Variants in RPS3 observed in about 807,000 individuals in gnomAD.
RPS3 encodes the protein small ribosomal subunit protein uS3.
A neutral mutation model predicts 25.8 loss-of-function variants in RPS3; 2 were observed. The ratio of observed to expected loss-of-function variants is 0.08; its 90% CI spans 0.03 to 0.24. The LOEUF (loss-of-function observed/expected upper bound fraction) is 0.24, where lower values mean the gene tolerates loss of function less well. RPS3 is among the 10% of genes least tolerant of loss of function. The pLI, the probability that RPS3 is intolerant of heterozygous loss-of-function variation, is 1.00. For missense variants in RPS3, 107 were observed against 307.1 expected, an observed-to-expected ratio of 0.35 and a Z score of 4.87; for synonymous variants, 114 against 114.2, an observed-to-expected ratio of 1.00 and a Z score of 0.01.
chr11:75,413,644 G>A (rs1308090086), intron 6 of RPS3, among the ~76,000 whole-genome samples: 1 of 152,122 alleles, frequency 6.6e-6, no homozygotes, highest in Non-Finnish European at 1.5e-5. Context: ...ATTACCTTAA[G>A]TATGACAATA....
chr11:75,420,217 C>T (rs1435026062), intron 6 of RPS3, among the ~76,000 whole-genome samples: 2 of 152,150 alleles, frequency 1.3e-5, no homozygotes, highest in African/African-American at 4.8e-5. Context: ...CAGGGAGATC[C>T]TCCATTTTTG....
chr11:75,406,987 G>T (rs1179827302), downstream of RPS3: 2 of 152,068 alleles, frequency 1.3e-5, no homozygotes, highest in African/African-American at 4.8e-5. Flanking sequence ...TGGGGATTTT[G>T]GTATTTGAAG....
intron 6 of RPS3, among the ~76,000 whole-genome samples, chr11:75,415,470 C>T (rs550946872): frequency 1.6e-4 from 25 of 152,168 alleles, no homozygotes; most frequent in Admixed American, 7.9e-4. Context: ...GCCAGAAGTT[C>T]GACAACAGCC....
At position 75,406,449 on chromosome 11, in the gene RPS3, G is replaced by A. The variant is rs988928258; in HGVS notation, c.*839G>A. On this transcript the variant is annotated 3_prime_UTR_variant, in exon 7 of 7. Transcript: ENST00000531188. ...CAGGTGGCTGCTTCCTGGTGATGCA[G>A]CCTGGCTGATGAGATAACCCTGGCT... The A allele has an allele frequency of 1.3e-5, 2 of 152,224 alleles. No individual in the cohort carries two copies. Among genetic ancestry groups the A allele is most frequent in the African/African-American group, 4.8e-5 (2 of 41,456 alleles). The allele number at this position is 152,224 out of a possible 1,614,324, so 9.4% of individuals were successfully genotyped here.
downstream of RPS3, among the ~76,000 whole-genome samples, chr11:75,408,025 TACTG>T (rs1948305820): frequency 6.6e-6 from 1 of 152,192 alleles, no homozygotes; most frequent in African/African-American, 2.4e-5. Flanking sequence ...CGTAATAGAT[TACTG>T]AATTATTGGA....
intron 6 of RPS3, among the ~76,000 whole-genome samples, chr11:75,412,837 C>T (rs893899835): frequency 2.0e-5 from 3 of 151,360 alleles, no homozygotes; most frequent in Non-Finnish European, 4.4e-5. Context: ...AGTGCAGTGG[C>T]GTGATCTCAG....
rs748718725 is a variant in RPS3, at chr11:75,404,253, T to G, written c.538+46T>G. On this transcript the variant is annotated intron_variant, in intron 5 of 6. Coordinates refer to ENST00000531188, the MANE Select transcript of RPS3 (RefSeq NM_001005.5). This position sits in a 1 kb window ranked among gnomAD's most constrained non-coding sequence, Gnocchi z 4.6. ...GGCAAAGGGCATTTGTGGACAGATT[T>G]GGTTTTCCACAGACATCTTAAGTAT... The G allele has an allele frequency of 2.6e-6, 4 of 1,564,018 alleles. No individual in the cohort carries two copies. The South Asian group carries it at 3.4e-5, about 13-fold the overall frequency.
chr11:75,402,590 C>T lies in RPS3; in HGVS notation c.350+144C>T, dbSNP rs147285948. On this transcript the variant is annotated intron_variant, in intron 4 of 6. Coordinates refer to ENST00000531188, the MANE Select transcript of RPS3 (RefSeq NM_001005.5). Reference sequence around the variant, plus strand: ...GTTATAATAAGATACTAAGTCATGCCCTCACTGAACTGGCAGGCTAACAAG... The same window carrying T: ...GTTATAATAAGATACTAAGTCATGCTCTCACTGAACTGGCAGGCTAACAAG... The T allele has an allele frequency of 2.4e-4, 190 of 795,372 alleles. No individual in the cohort carries two copies. In the African/African-American group the frequency reaches 3.0e-3, roughly 12 times the overall value. 49.3% of individuals were successfully genotyped at this position (795,372 alleles called of 1,614,324 possible).
chr11:75,421,949 T>A (rs1364741667), exon 7 of RPS3: 1 of 152,266 alleles, frequency 6.6e-6, no homozygotes, highest in East Asian at 1.9e-4. Context: ...GTGTGTTTTT[T>A]ATGCATGAAA....
chr11:75,421,149 C>T (rs1357655597), intron 6 of RPS3, among the ~76,000 whole-genome samples: 2 of 152,188 alleles, frequency 1.3e-5, no homozygotes, highest in Non-Finnish European at 2.9e-5. Flanking sequence ...TCAGCTGTGT[C>T]CAGATGGTCA....
intron 6 of RPS3, among the ~76,000 whole-genome samples, chr11:75,420,246 T>C (rs1441691199): frequency 6.6e-6 from 1 of 152,206 alleles, no homozygotes; most frequent in Non-Finnish European, 1.5e-5. Flanking sequence ...GTTTAACCAA[T>C]AGTCCTAGGA....
rs564345276 is a variant in RPS3 at position 75,406,525 on chromosome 11, G to A, written c.*915G>A. 1 of 152,356 alleles carries A rather than the reference G, an allele frequency of 6.6e-6. No individual in the cohort carries two copies. The highest frequency in any genetic ancestry group is 2.1e-4 in the South Asian group (1 of 4,832). 9.4% of individuals were successfully genotyped at this position (152,356 alleles called of 1,614,324 possible). ...GATGATTTGGTTTTCTTCTCAATTAGACTGAGCTGCACATGGTGTTTATAT... is the reference window on the plus strand; with the variant it reads ...GATGATTTGGTTTTCTTCTCAATTAAACTGAGCTGCACATGGTGTTTATAT... On this transcript the variant is annotated 3_prime_UTR_variant, in exon 7 of 7. Coordinates refer to ENST00000531188, the MANE Select transcript of RPS3 (RefSeq NM_001005.5).
At chr11:75,416,849 G>A (rs1948403478) in intron 6 of RPS3, among the ~76,000 whole-genome samples, 1 of 152,224 alleles carries the variant, frequency 6.6e-6, no homozygotes, top group South Asian at 2.1e-4. Flanking sequence ...AAGTATCATA[G>A]AGAGTGAATA....
chr11:75,409,737 G>T (rs1236943928), downstream of RPS3, among the ~76,000 whole-genome samples: 2 of 150,816 alleles, frequency 1.3e-5, no homozygotes, highest in African/African-American at 4.9e-5. Context: ...GGGCAGAGGG[G>T]CTCCTCACTT....
intron 1 of RPS3, 154 bp from the exon 2 acceptor site, chr11:75,400,540 T>C (rs374680625): frequency 2.8e-6 from 3 of 1,061,928 alleles, no homozygotes; most frequent in African/African-American, 1.6e-5. Context: ...CTGAGAAGGG[T>C]TGCTGCACTC....
chr11:75,399,981 C>CA (rs1242511506), intron 1 of RPS3: 5 of 284,870 alleles, frequency 1.8e-5, no homozygotes, highest in Non-Finnish European at 2.7e-5. Flanking sequence ...CCGCTGGCCC[C>CA]AGGACCTCAA....
At chr11:75,416,458 C>CTTTTTT (rs72030839) in intron 6 of RPS3, among the ~76,000 whole-genome samples, 6 of 125,972 alleles carry the variant, frequency 4.8e-5, no homozygotes, top group South Asian at 4.8e-4. Context: ...TTGATTATTT[C>CTTTTTT]TATTTTTTTT....
chr11:75,417,284 A>G (rs1051237721), intron 6 of RPS3, among the ~76,000 whole-genome samples: 8 of 151,946 alleles, frequency 5.3e-5, no homozygotes, highest in African/African-American at 1.9e-4. Context: ...AACCTGGGCA[A>G]CATAGCCAGA....
chr11:75,411,848 T>C (rs1040136032), downstream of RPS3, among the ~76,000 whole-genome samples: 2 of 152,214 alleles, frequency 1.3e-5, no homozygotes, highest in African/African-American at 4.8e-5. Flanking sequence ...TGGGAAGACC[T>C]CTAAGGTAAT....
Sources: gnomAD v4.1 joint callset for allele counts (sites outside exome capture counted in the v4.1 genomes callset) on GRCh38, gnomAD v4.1.1 for gene constraint, Gnocchi (gnomAD v3.1) non-coding constraint, MANE v1.5 for transcripts, NCBI Gene and HGNC (gene_info 2026-07-23, HGNC 2026-07-21) for gene names.